MYT1: variants seen among roughly 807,000 people sequenced by gnomAD.
MYT1 encodes the protein myelin transcription factor I.
In MYT1, 23 loss-of-function variants were observed where a neutral mutation model predicts 123.0. That is an observed-to-expected ratio of 0.19 (90% CI 0.13 to 0.26). MYT1 has a LOEUF of 0.26. Among genes scored for constraint, MYT1 ranks in the 10% least tolerant of loss-of-function variants. The pLI is 1.00. For synonymous variants in MYT1, 518 were observed against 575.3 expected (o/e 0.90, Z 1.43); for missense variants, 1,125 against 1,472.5 (o/e 0.76, Z 3.86).
intron 2 of MYT1, among the ~76,000 whole-genome samples, chr20:64,198,249 T>G (rs1022791209): frequency 7.8e-5 from 10 of 128,338 alleles, no homozygotes; most frequent in African/African-American, 2.8e-4. Context: ...ATCGCGCCAC[T>G]GCACTCCAGC....
chr20:64,230,966 G>A (rs2145731162), intron 18 of MYT1, among the ~76,000 whole-genome samples: 1 of 152,306 alleles, frequency 6.6e-6, no homozygotes, highest in African/African-American at 2.4e-5. Flanking sequence ...TCCCTGTCCA[G>A]GCCTTGTTGA....
chr20:64,209,823 G>T (rs1983612334), intron 7 of MYT1, among the ~76,000 whole-genome samples: 3 of 152,214 alleles, frequency 2.0e-5, no homozygotes. Flanking sequence ...ATGCTAAGGG[G>T]ACACAGGTGG....
rs1020595158 is a variant in MYT1, at chr20:64,232,523, A to G, written c.2897+138A>G. 9.9e-6 allele frequency: 8 copies of G among 807,962 alleles called. No individual in the cohort carries two copies. The highest frequency in any genetic ancestry group is 2.9e-4 in the Middle Eastern group (1 of 3,466). The allele number at this position is 807,962 out of a possible 1,614,324, so 50.0% of individuals were successfully genotyped here. ...TTGCTCAAGGGAAAGGCCAGGCCAC[A>G]TGGGTAGCGGATGGGGGAGGCTAGC... On this transcript the variant is annotated intron_variant, in intron 19 of 22. Coordinates refer to ENST00000328439, the MANE Select transcript of MYT1 (RefSeq NM_004535.3). This position sits in a 1 kb window ranked among gnomAD's most constrained non-coding sequence, Gnocchi z 6.9.
At chr20:64,180,707 AC>A (rs1352061018) in intron 1 of MYT1, among the ~76,000 whole-genome samples, 1 of 152,186 alleles carries the variant, frequency 6.6e-6, no homozygotes, top group African/African-American at 2.4e-5. Context: ...CCAGAACTGG[AC>A]CTTTTCGGAC....
chr20:64,197,873 G>A (rs1285765971), intron 2 of MYT1, among the ~76,000 whole-genome samples: 1 of 152,196 alleles, frequency 6.6e-6, no homozygotes, highest in African/African-American at 2.4e-5. Flanking sequence ...AGGTGGGGAG[G>A]GACACCGATA....
At chr20:64,207,444 C>A in intron 6 of MYT1, 150 bp from the exon 7 acceptor site, 1 of 1,405,054 alleles carries the variant, frequency 7.1e-7, no homozygotes, top group Non-Finnish European at 9.5e-7. Flanking sequence ...ATACCAAATC[C>A]CCACTTCTGG....
chr20:64,194,229 C>T (rs940458452), intron 2 of MYT1, among the ~76,000 whole-genome samples: 1 of 152,206 alleles, frequency 6.6e-6, no homozygotes, highest in Non-Finnish European at 1.5e-5. Context: ...CAAACAGGCA[C>T]AAGGTGGAGA....
rs777073050 is a variant in MYT1 at position 64,240,288 on chromosome 20, A to T, written c.3238-32A>T. ...CTGCGGTGTGGGGCCCACTGCATGG[A>T]CGGAGCTTGCTAACCTGGTTCTGTT... On this transcript the variant is annotated intron_variant, in intron 22 of 22. Transcript: ENST00000328439. 16 of 1,607,506 alleles carry T rather than the reference A, an allele frequency of 1.0e-5. No individual in the cohort carries two copies. In the East Asian group the frequency reaches 3.6e-4, roughly 36 times the overall value.
At chr20:64,194,561 C>T (rs1983051304) in intron 2 of MYT1, among the ~76,000 whole-genome samples, 1 of 152,238 alleles carries the variant, frequency 6.6e-6, no homozygotes, top group Non-Finnish European at 1.5e-5. Context: ...GGCCCTGGGC[C>T]ATTGGTGCAG....
rs199748761 is a variant in MYT1 at position 64,196,968 on chromosome 20, G to A, written c.1-1894G>A. 4.6e-5 allele frequency among the ~76,000 whole-genome samples: 7 copies of A among 152,220 alleles called. No individual in the cohort carries two copies. In the East Asian group the frequency reaches 7.7e-4, roughly 17 times the overall value. ...CAAGTCCCATTGTACGTCCTGCATC[G>A]GAAGGCATTGCACACGGGCTCAGAG... On this transcript the variant is annotated intron_variant, in intron 2 of 22. Transcript: ENST00000328439. This position sits in a 1 kb window ranked among gnomAD's most constrained non-coding sequence, Gnocchi z 4.3.
chr20:64,189,034 G>A lies in MYT1; in HGVS notation c.-98-1029G>A, dbSNP rs1183384314. 1.3e-5 allele frequency among the ~76,000 whole-genome samples: 2 copies of A among 152,228 alleles called. No individual in the cohort carries two copies. The highest frequency in any genetic ancestry group is 4.8e-5 in the African/African-American group (2 of 41,456). On this transcript the variant is annotated intron_variant, in intron 1 of 22. Coordinates refer to ENST00000328439, the MANE Select transcript of MYT1 (RefSeq NM_004535.3). This position sits in a 1 kb window ranked among gnomAD's most constrained non-coding sequence, Gnocchi z 5.5. Reference sequence around the variant, plus strand: ...AAGGTAATCCGAAGCCCTTTAATGGGATGGAAGCATTTCCAGATAAGAAGA... The same window carrying A: ...AAGGTAATCCGAAGCCCTTTAATGGAATGGAAGCATTTCCAGATAAGAAGA...
In MYT1 at chr20:64,212,822, C is replaced by T. The variant is rs1186405036; in HGVS notation, c.1517+684C>T. On this transcript the variant is annotated intron_variant, in intron 9 of 22. Transcript: ENST00000328439. The surrounding 1 kb of genome is among the most constrained non-coding windows in gnomAD (Gnocchi z 6.8). The stretch of plus-strand genomic sequence containing the variant: ...GGGGGGACTACTCCTCCAGCCTTAC[C>T]CTAAGTGCCATGGGTGGCCGTGGCC... Among the ~76,000 whole-genome samples, 2 of 152,028 alleles carry T rather than the reference C, an allele frequency of 1.3e-5. No homozygotes were observed. Among genetic ancestry groups the T allele is most frequent in the Non-Finnish European group, 2.9e-5 (2 of 68,006 alleles).
Position 64,192,008 on chromosome 20 carries a change from T to C in MYT1, c.-1+1848T>C, listed in dbSNP as rs936282155. 6.6e-6 allele frequency: 1 copy of C among 152,216 alleles called. No homozygotes were observed. Among genetic ancestry groups the C allele is most frequent in the African/African-American group, 2.4e-5 (1 of 41,454 alleles). 9.4% of individuals were successfully genotyped at this position (152,216 alleles called of 1,614,324 possible). A position where few individuals can be genotyped will look rare whatever the true frequency, so the allele number is the denominator to read the frequency against. On this transcript the variant is annotated intron_variant, in intron 2 of 22. Transcript: ENST00000328439. This position sits in a 1 kb window ranked among gnomAD's most constrained non-coding sequence, Gnocchi z 5.3. ...TTGACTTGAGGCCAGGGGCTCTGCA[T>C]GCAGCGTTATCTACAAATGTCTGGT...
intron 10 of MYT1, 143 bp from the exon 11 acceptor site, chr20:64,216,924 T>A: frequency 1.4e-6 from 1 of 737,248 alleles, no homozygotes; most frequent in Non-Finnish European, 2.3e-6. Context: ...TGGTGGAATA[T>A]GCAGGGGTAG....
At chr20:64,210,312 G>A (rs758766088) in intron 7 of MYT1, among the ~76,000 whole-genome samples, 1 of 152,244 alleles carries the variant, frequency 6.6e-6, no homozygotes, top group Non-Finnish European at 1.5e-5. Flanking sequence ...TCTGTGCAAC[G>A]TGAACGTGCG....
At chr20:64,195,354 C>CTGTGTGTGTGTGTG (rs5741790) in intron 2 of MYT1, among the ~76,000 whole-genome samples, 2 of 98,836 alleles carry the variant, frequency 2.0e-5, no homozygotes, top group Admixed American at 2.4e-4. Flanking sequence ...ATGGTGAGAA[C>CTGTGTGTGTGTGTG]TGTGTGTGTG....
At chr20:64,172,643 T>A (rs1315481512) in intron 1 of MYT1, among the ~76,000 whole-genome samples, 3 of 151,932 alleles carry the variant, frequency 2.0e-5, no homozygotes, top group African/African-American at 7.3e-5. Context: ...GAGCAGGACC[T>A]CTTGATCCCG....
At chr20:64,200,869 C>T (rs559615647) in intron 4 of MYT1, among the ~76,000 whole-genome samples, 2 of 152,304 alleles carry the variant, frequency 1.3e-5, no homozygotes, top group East Asian at 1.9e-4. Context: ...CCAGCACTTC[C>T]GGTCTGGGGT....
chr20:64,205,661 C>G lies in MYT1; in HGVS notation c.258C>G (p.Gly86=). The G allele has an allele frequency of 1.2e-6, 2 of 1,614,190 alleles. No individual in the cohort carries two copies. The highest frequency in any genetic ancestry group is 2.7e-5 in the African/African-American group (2 of 75,048). ...SHPLKLALDE[G]YGVDSDGSED... is the part of the protein sequence containing the mutation. Reference sequence around the variant, plus strand: ...CCCTGAAGCTGGCTCTGGACGAGGGCTATGGTGTGGACAGCGACGGCAGTG... The same window carrying G: ...CCCTGAAGCTGGCTCTGGACGAGGGGTATGGTGTGGACAGCGACGGCAGTG... Residue 86 remains glycine (G), a synonymous_variant, in exon 6 of 23, where the codon GGC becomes GGG. Transcript: ENST00000328439.
Sources: allele counts gnomAD v4.1 joint callset (sites outside exome capture counted in the v4.1 genomes callset), GRCh38; gene constraint gnomAD v4.1.1; non-coding constraint Gnocchi (gnomAD v3.1); transcripts MANE v1.5; gene names NCBI Gene and HGNC (gene_info 2026-07-23, HGNC 2026-07-21).